The following CLCA4 variants were observed in gnomAD, a reference collection of about 807,000 sequenced individuals.
The protein encoded by CLCA4 is chloride channel accessory 4.
A neutral mutation model predicts 78.9 loss-of-function variants in CLCA4; 69 were observed. That is an observed-to-expected ratio of 0.87 (90% confidence interval 0.72 to 1.07). The LOEUF is 1.07. Ranked by LOEUF, CLCA4 falls within the 50% of genes least tolerant of loss-of-function variation. CLCA4 has a pLI of 0.00. For missense variants in CLCA4, 1,133 were observed against 1,095.8 expected (o/e 1.03, Z -0.48); for synonymous variants, 362 against 375.8 (o/e 0.96, Z 0.42).
chr1:86,564,444 T>C (rs1650118569), intron 4 of CLCA4, among the ~76,000 whole-genome samples: 1 of 152,154 alleles, frequency 6.6e-6, no homozygotes, highest in Non-Finnish European at 1.5e-5. Context: ...ATTACATTTA[T>C]TGCATTTGTT....
rs903173492 is a variant in CLCA4 at position 86,565,195 on chromosome 1, T to C, written c.558-79T>C. 8.4e-6 allele frequency: 8 copies of C among 954,938 alleles called. No homozygotes were observed. The Admixed American group carries it at 2.1e-4, about 24-fold the overall frequency. The allele number at this position is 954,938 out of a possible 1,614,324, so 59.2% of individuals were successfully genotyped here. A position where few individuals can be genotyped will look rare whatever the true frequency, so the allele number is the denominator to read the frequency against. ...AATAAACATCTTGATATAAAGTTCA[T>C]CATGAATAGAACCACTTAAGATTTC... is the stretch of plus-strand genomic sequence containing the variant. On this transcript the variant is annotated intron_variant, in intron 4 of 13. Transcript: ENST00000370563.
At chr1:86,553,293 A>T (rs1375744981) in intron 1 of CLCA4, 3 of 706,060 alleles carry the variant, frequency 4.2e-6, no homozygotes, top group Non-Finnish European at 7.5e-6. Flanking sequence ...GGCTCCCTCC[A>T]CGTCTTCCTG....
In CLCA4 at chr1:86,574,534, A is replaced by T; in HGVS notation, c.1468-6A>T. On this transcript the variant is annotated splice_polypyrimidine_tract_variant and splice_region_variant and intron_variant, in intron 9 of 13. Coordinates refer to ENST00000370563, the MANE Select transcript of CLCA4 (RefSeq NM_012128.4). ...CAGTCATTAATTTTGAAATCTATTTAAACAGCTCGAAAGTAAGGGATTAAC... is the reference window on the plus strand; with the variant it reads ...CAGTCATTAATTTTGAAATCTATTTTAACAGCTCGAAAGTAAGGGATTAAC... 1 of 1,606,688 alleles carries T rather than the reference A, an allele frequency of 6.2e-7. No homozygotes were observed. The highest frequency in any genetic ancestry group is 8.5e-7 in the Non-Finnish European group (1 of 1,173,684).
chr1:86,550,527 G>A (rs948504253), intron 1 of CLCA4, among the ~76,000 whole-genome samples: 4 of 151,848 alleles, frequency 2.6e-5, no homozygotes, highest in South Asian at 2.1e-4. Flanking sequence ...CAAAATCTTC[G>A]CGTTTAATAT....
chr1:86,580,522 G>A lies in CLCA4; in HGVS notation c.*177G>A, dbSNP rs927104222. On this transcript the variant is annotated 3_prime_UTR_variant, in exon 14 of 14. Transcript: ENST00000370563. ...CTTTGATTAAATAAAAACACTCATG[G>A]ATATGTAAAAACTGTCAAGATTAAA... The A allele has an allele frequency of 2.4e-4, 104 of 437,998 alleles. No individual in the cohort carries two copies. The highest frequency in any genetic ancestry group is 3.5e-4 in the Non-Finnish European group (89 of 256,040). 27.1% of individuals were successfully genotyped at this position (437,998 alleles called of 1,614,324 possible).
At chr1:86,568,117 T>G (rs1431837922) in intron 7 of CLCA4, among the ~76,000 whole-genome samples, 3 of 151,876 alleles carry the variant, frequency 2.0e-5, no homozygotes, top group African/African-American at 4.8e-5. Flanking sequence ...TGAGTCATAT[T>G]TAGGGTAAGC....
intron 1 of CLCA4, chr1:86,552,740 G>A: frequency 1.4e-6 from 2 of 1,435,686 alleles, no homozygotes; most frequent in Non-Finnish European, 9.8e-7. Context: ...GCCCGGCCCG[G>A]CACCCCCATC....
At chr1:86,565,766 A>G (rs200731167) in intron 5 of CLCA4, 36 bp from the exon 6 acceptor site, 1 of 1,210,964 alleles carries the variant, frequency 8.3e-7, no homozygotes, top group Non-Finnish European at 1.1e-6. Context: ...AATGCATGGT[A>G]TATTAAAATT....
At position 86,580,366 on chromosome 1, in the gene CLCA4, C is replaced by T. The variant is rs1650681344; in HGVS notation, c.*21C>T. 2 of 1,532,682 alleles carry T rather than the reference C, an allele frequency of 1.3e-6. No individual in the cohort carries two copies. The highest frequency in any genetic ancestry group is 8.7e-7 in the Non-Finnish European group (1 of 1,144,398). 94.9% of individuals were successfully genotyped at this position (1,532,682 alleles called of 1,614,324 possible). A position where few individuals can be genotyped will look rare whatever the true frequency, so the allele number is the denominator to read the frequency against. On this transcript the variant is annotated 3_prime_UTR_variant, in exon 14 of 14. Coordinates refer to ENST00000370563, the MANE Select transcript of CLCA4 (RefSeq NM_012128.4). The stretch of plus-strand genomic sequence containing the variant: ...TTTGAACCTTAACGAAGAAAAAAAT[C>T]TTCAAGTAGACCTAGAAGAGAGTTT...
At chr1:86,554,515 G>A (rs549030301) in intron 1 of CLCA4, among the ~76,000 whole-genome samples, 11 of 152,080 alleles carry the variant, frequency 7.2e-5, no homozygotes, top group South Asian at 4.2e-4. Context: ...TCTGCCCACC[G>A]CGGCCTCCCA....
intron 11 of CLCA4, among the ~76,000 whole-genome samples, chr1:86,577,423 A>C (rs1650552228): frequency 6.6e-6 from 1 of 152,112 alleles, no homozygotes; most frequent in Non-Finnish European, 1.5e-5. Flanking sequence ...GTGTACCTCT[A>C]AAAATCTCCA....
Position 86,563,773 on chromosome 1 carries a change from T to A in CLCA4, c.557+4T>A. On this transcript the variant is annotated splice_donor_region_variant and intron_variant, in intron 4 of 13. Transcript: ENST00000370563. ...CAAAAAAAATCGAAGCAACAAGGCA[T>A]GGCTATTTAAATTTTCTAAACTGAC... The A allele has an allele frequency of 1.3e-6, 2 of 1,545,916 alleles. No individual in the cohort carries two copies. The highest frequency in any genetic ancestry group is 1.8e-6 in the Non-Finnish European group (2 of 1,126,382).
chr1:86,577,822 G>C (rs1041440733), intron 11 of CLCA4, 80 bp from the exon 12 acceptor site: 1 of 1,103,054 alleles, frequency 9.1e-7, no homozygotes, highest in Non-Finnish European at 1.3e-6. Context: ...TAGAGGATAT[G>C]CTTGTAGAGG....
Position 86,575,742 on chromosome 1 carries a change from C to T in CLCA4, c.1951+143C>T, listed in dbSNP as rs2231600. The T allele has an allele frequency of 1.8e-3, 1,364 of 760,706 alleles. 16 individuals carry two copies. The African/African-American group carries it at 0.021, about 12-fold the overall frequency. The allele number at this position is 760,706 out of a possible 1,614,324, so 47.1% of individuals were successfully genotyped here. The stretch of plus-strand genomic sequence containing the variant: ...CAGCAGGAACAGCAGGAAATTTTAT[C>T]TAGGTAAAACCTACAGAGTGCTTAG... On this transcript the variant is annotated intron_variant, in intron 11 of 13. Transcript: ENST00000370563.
In CLCA4 at chr1:86,578,071, C is replaced by T. The variant is rs775219259; in HGVS notation, c.2121C>T (p.Asn707=). The change falls in exon 12 of 14, where the codon AAC becomes AAT. Residue 707 remains asparagine (N), a splice_region_variant and synonymous_variant. Transcript: ENST00000370563. ...RAAYIPGWVV[N]GEIEANPPRP... ...CGTACATACCAGGCTGGGTAGTGAA[C>T]GGTGAGTAACTCATGATATTTATAA... 9.3e-6 allele frequency: 15 copies of T among 1,606,030 alleles called. No individual in the cohort carries two copies. Among genetic ancestry groups the T allele is most frequent in the Admixed American group, 3.4e-5 (2 of 58,684 alleles).
At position 86,565,983 on chromosome 1, in the gene CLCA4, T is replaced by C; in HGVS notation, c.917T>C (p.Ile306Thr). The C allele has an allele frequency of 6.2e-7, 1 of 1,613,100 alleles. No homozygotes were observed. The highest frequency in any genetic ancestry group is 8.5e-7 in the Non-Finnish European group (1 of 1,179,260). The change falls in exon 6 of 14, where the codon ATT becomes ACT. Residue 306 changes from isoleucine (I) to threonine (T), a missense_variant. Physicochemically the swap from Ile to Thr is moderately conservative, Grantham distance 89. Transcript: ENST00000370563. Reference sequence around the variant, plus strand: ...TCATTGCTGAAGATCAGTCAAAGAATTGTGTGCTTAGTTCTTGATAAGTCT... The same window carrying C: ...TCATTGCTGAAGATCAGTCAAAGAACTGTGTGCTTAGTTCTTGATAAGTCT... ...VFSLLKISQR[I>T]VCLVLDKSGS...
chr1:86,556,902 T>C (rs540556278), intron 1 of CLCA4, among the ~76,000 whole-genome samples: 1 of 152,262 alleles, frequency 6.6e-6, no homozygotes, highest in Non-Finnish European at 1.5e-5. Flanking sequence ...AGGGAATCAA[T>C]TTCTTCCTGA....
At chr1:86,556,197 T>C (rs1205993031) in intron 1 of CLCA4, among the ~76,000 whole-genome samples, 2 of 152,198 alleles carry the variant, frequency 1.3e-5, no homozygotes, top group Non-Finnish European at 2.9e-5. Context: ...CCTTTATTTA[T>C]TTCTCTTGCC....
chr1:86,572,990 A>T (rs1570334897), intron 9 of CLCA4: 1 of 367,124 alleles, frequency 2.7e-6, no homozygotes, highest in East Asian at 5.7e-5. Flanking sequence ...TATAATGTCA[A>T]ATTTTTCACC....
Sources: allele counts gnomAD v4.1 joint callset (sites outside exome capture counted in the v4.1 genomes callset), GRCh38; gene constraint gnomAD v4.1.1; transcripts MANE v1.5; gene names NCBI Gene and HGNC (gene_info 2026-07-23, HGNC 2026-07-21).